ACAP2: variants seen among roughly 807,000 people sequenced by gnomAD.
ACAP2 encodes arf-GAP with coiled-coil, ANK repeat and PH domain-containing protein 2.
ACAP2 carries 39 observed loss-of-function variants against 115.8 expected under a neutral mutation model. The ratio of observed to expected loss-of-function variants is 0.34; its 90% CI spans 0.26 to 0.44. ACAP2 has a LOEUF of 0.44. Ranked by LOEUF, ACAP2 falls within the 20% of genes least tolerant of loss-of-function variation. The pLI, the probability that ACAP2 is intolerant of heterozygous loss-of-function variation, is 1.00. For synonymous variants in ACAP2, 289 were observed against 315.8 expected (o/e 0.92, Z 0.90); for missense variants, 662 against 927.6 (o/e 0.71, Z 3.72).
intron 7 of ACAP2, among the ~76,000 whole-genome samples, chr3:195,334,001 G>C (rs137994516): frequency 9.4e-4 from 143 of 152,108 alleles, no homozygotes; most frequent in African/African-American, 3.4e-3. Flanking sequence ...GCAGAGATTT[G>C]TCCAAGTTTT....
At chr3:195,442,411 C>T (rs1210818705) in intron 1 of ACAP2, 3 of 309,022 alleles carry the variant, frequency 9.7e-6, no homozygotes, top group Non-Finnish European at 1.8e-5. Flanking sequence ...CAAGAAGGGG[C>T]GGAAGGAAGG....
At chr3:195,385,537 A>C (rs144346571) in intron 2 of ACAP2, among the ~76,000 whole-genome samples, 1,949 of 152,028 alleles carry the variant, frequency 0.013, 32 homozygotes, top group African/African-American at 0.043. Flanking sequence ...AAGCAGAAAA[A>C]CTAAAATGGT....
rs1247754201 is a variant in ACAP2, at chr3:195,317,923, G to A, written c.857+2778C>T. On this transcript the variant is annotated intron_variant, in intron 10 of 22. Transcript: ENST00000326793. Reference sequence around the variant, plus strand: ...TTCATAAGTGATAAGGACTGGCTCTGTGTCACTACCCAAATCTCACCTTGA... The same window carrying A: ...TTCATAAGTGATAAGGACTGGCTCTATGTCACTACCCAAATCTCACCTTGA... Among the ~76,000 whole-genome samples, 3 of 152,166 alleles carry A rather than the reference G, an allele frequency of 2.0e-5. No individual in the cohort carries two copies. The East Asian group carries it at 5.8e-4, about 29-fold the overall frequency.
chr3:195,331,196 G>A (rs1730141410), intron 8 of ACAP2, among the ~76,000 whole-genome samples: 2 of 151,974 alleles, frequency 1.3e-5, no homozygotes, highest in African/African-American at 4.8e-5. Context: ...CAGAATACAT[G>A]TAATCCATGG....
Position 195,276,382 on chromosome 3 carries a change from A to G in ACAP2, c.*2946T>C, listed in dbSNP as rs1726186923. 1 of 152,234 alleles carries G rather than the reference A, an allele frequency of 6.6e-6. No homozygotes were observed. Among genetic ancestry groups the G allele is most frequent in the African/African-American group, 2.4e-5 (1 of 41,468 alleles). 9.4% of individuals were successfully genotyped at this position (152,234 alleles called of 1,614,324 possible). On this transcript the variant is annotated 3_prime_UTR_variant, in exon 23 of 23. Transcript: ENST00000326793. Reference sequence around the variant, plus strand: ...AGGATTGTATTAAAGGTAACTTTTTAAAACCTTAGAAATCTTAAGCACATA... The same window carrying G: ...AGGATTGTATTAAAGGTAACTTTTTGAAACCTTAGAAATCTTAAGCACATA...
chr3:195,385,825 A>T (rs1463728372), intron 2 of ACAP2, among the ~76,000 whole-genome samples: 2 of 152,222 alleles, frequency 1.3e-5, no homozygotes, highest in East Asian at 3.8e-4. Flanking sequence ...ATACGGGACA[A>T]ATAATATAGA....
At chr3:195,382,595 A>C (rs1734022117) in intron 2 of ACAP2, among the ~76,000 whole-genome samples, 1 of 152,064 alleles carries the variant, frequency 6.6e-6, no homozygotes, top group Non-Finnish European at 1.5e-5. Context: ...GGTAAATGTC[A>C]AATATTAAAA....
chr3:195,439,999 T>C (rs1715878047), intron 1 of ACAP2, among the ~76,000 whole-genome samples: 1 of 152,156 alleles, frequency 6.6e-6, no homozygotes, highest in South Asian at 2.1e-4. Flanking sequence ...ACCTACTACA[T>C]GCAACTACAT....
At chr3:195,378,075 G>A (rs1049258021) in intron 4 of ACAP2, among the ~76,000 whole-genome samples, 9 of 150,260 alleles carry the variant, frequency 6.0e-5, no homozygotes, top group Admixed American at 1.3e-4. Flanking sequence ...AGGGAGGGAG[G>A]AAGGGAGGAA....
At chr3:195,291,037 A>T in intron 20 of ACAP2, among the ~76,000 whole-genome samples, 1 of 152,082 alleles carries the variant, frequency 6.6e-6, no homozygotes, top group Non-Finnish European at 1.5e-5. Context: ...ATGCTATTTT[A>T]AAAATATTTC....
At chr3:195,354,074 T>C (rs762554926) in intron 4 of ACAP2, among the ~76,000 whole-genome samples, 3 of 152,230 alleles carry the variant, frequency 2.0e-5, no homozygotes, top group Non-Finnish European at 2.9e-5. Flanking sequence ...CCCCCACTTA[T>C]AAATGAGAAC....
chr3:195,420,282 TATAC>T (rs1160406128), intron 1 of ACAP2, among the ~76,000 whole-genome samples: 1 of 152,218 alleles, frequency 6.6e-6, no homozygotes, highest in Non-Finnish European at 1.5e-5. Context: ...TTATTTAATG[TATAC>T]ACACGCTTGG....
chr3:195,288,419 G>A (rs967323360), intron 21 of ACAP2, among the ~76,000 whole-genome samples: 3 of 152,066 alleles, frequency 2.0e-5, no homozygotes, highest in African/African-American at 7.2e-5. Flanking sequence ...AACCAACTTC[G>A]AAGTTCACAC....
chr3:195,367,152 C>T (rs527908574), intron 4 of ACAP2, among the ~76,000 whole-genome samples: 2 of 150,836 alleles, frequency 1.3e-5, no homozygotes, highest in East Asian at 2.0e-4. Context: ...TGTTAGAATA[C>T]ATCAGAAACA....
At chr3:195,377,669 A>T (rs1027768186) in intron 4 of ACAP2, among the ~76,000 whole-genome samples, 5 of 152,220 alleles carry the variant, frequency 3.3e-5, no homozygotes, top group Admixed American at 6.5e-5. Context: ...AATTTAAAGT[A>T]TTGGTTACAA....
At chr3:195,308,132 C>T (rs562507810) in intron 11 of ACAP2, among the ~76,000 whole-genome samples, 18 of 152,126 alleles carry the variant, frequency 1.2e-4, no homozygotes, top group East Asian at 5.8e-4. Flanking sequence ...ACATATAAAA[C>T]GATATTAACA....
intron 10 of ACAP2, among the ~76,000 whole-genome samples, chr3:195,311,084 G>GTTTTTTTTTTTTT (rs1326890111): frequency 8.2e-6 from 1 of 122,582 alleles, no homozygotes; most frequent in Admixed American, 9.4e-5. Context: ...TTTCATTGTG[G>GTTTTTTTTTTTTT]TTTTTTTGTT....
rs546280657 is a variant in ACAP2, at chr3:195,288,267, C to T, written c.2174+854G>A. Among the ~76,000 whole-genome samples, 37 of 152,294 alleles carry T rather than the reference C, an allele frequency of 2.4e-4. No homozygotes were observed. The South Asian group carries it at 7.7e-3, about 32-fold the overall frequency. ...TACTAAAATCTCAAATTATCTATGG[C>T]TTGGCTTCTTTTTCTATAAAATGAA... On this transcript the variant is annotated intron_variant, in intron 21 of 22. Coordinates refer to ENST00000326793, the MANE Select transcript of ACAP2 (RefSeq NM_012287.6).
chr3:195,353,442 T>C (rs1485144800), intron 4 of ACAP2, among the ~76,000 whole-genome samples: 1 of 152,094 alleles, frequency 6.6e-6, no homozygotes, highest in Non-Finnish European at 1.5e-5. Flanking sequence ...TATTGAGCAA[T>C]AAAAAGGGAA....
Sources: allele counts gnomAD v4.1 joint callset (sites outside exome capture counted in the v4.1 genomes callset), GRCh38; gene constraint gnomAD v4.1.1; transcripts MANE v1.5; gene names NCBI Gene and HGNC (gene_info 2026-07-23, HGNC 2026-07-21).